Variants in IL12RB1 observed in about 807,000 individuals in gnomAD.
IL12RB1 encodes the protein interleukin-12 receptor subunit beta-1.
In IL12RB1, 64 loss-of-function variants were observed where a neutral mutation model predicts 94.4. The observed-to-expected ratio is 0.68, with a 90% CI of 0.55 to 0.83. The LOEUF (loss-of-function observed/expected upper bound fraction) is 0.83. IL12RB1 is among the 40% of genes least tolerant of loss of function. The pLI is 0.00. For synonymous variants in IL12RB1, 362 were observed against 355.5 expected (o/e 1.02, Z -0.21); for missense variants, 814 against 855.6 (o/e 0.95, Z 0.61).
At chr19:18,090,391 G>A (rs1171171721), upstream of IL12RB1, among the ~76,000 whole-genome samples, 2 of 152,130 alleles carry the variant, frequency 1.3e-5, no homozygotes, top group African/African-American at 4.8e-5. Context: ...TCAGAGGAAA[G>A]TCATGGCCCC....
intron 1 of IL12RB1, among the ~76,000 whole-genome samples, chr19:18,093,410 AT>A (rs2036733941): frequency 6.6e-6 from 1 of 151,500 alleles, no homozygotes; most frequent in Non-Finnish European, 1.5e-5. Flanking sequence ...GCATTCATTC[AT>A]TCAGTCAGTC....
chr19:18,084,444 A>G (rs1248996173), intron 1 of IL12RB1, among the ~76,000 whole-genome samples: 5 of 148,806 alleles, frequency 3.4e-5, no homozygotes, highest in Admixed American at 1.3e-4. Context: ...CCATCCACCC[A>G]TTCACCCATC....
chr19:18,094,274 G>A (rs528051065), intron 1 of IL12RB1, among the ~76,000 whole-genome samples: 77 of 152,092 alleles, frequency 5.1e-4, no homozygotes, highest in Non-Finnish European at 8.7e-4. Context: ...GATTACAGGC[G>A]TGCCCCATTA....
intron 4 of IL12RB1, among the ~76,000 whole-genome samples, chr19:18,080,231 G>A (rs1385112303): frequency 6.6e-6 from 1 of 151,146 alleles, no homozygotes. Flanking sequence ...AATTTTTTTG[G>A]CTTTTTTGTG....
At position 18,069,568 on chromosome 19, in the gene IL12RB1, T is replaced by A; in HGVS notation, c.1167A>T (p.Gln389His). ...GLATCSLTAP[Q>H]DPDPAGMATY... ...TACCCATTCCAGCCGGATCCGGGTC[T>A]TGCGGCGCAGTCAGGCTGCAGGTGG... The change falls in exon 10 of 17, where the codon CAA (glutamine) becomes CAT (histidine). Residue 389 changes from glutamine to histidine, a missense_variant. Transcript: ENST00000593993. 1 of 1,610,802 alleles carries A rather than the reference T, an allele frequency of 6.2e-7. No individual in the cohort carries two copies. Among genetic ancestry groups the A allele is most frequent in the Non-Finnish European group, 8.5e-7 (1 of 1,179,800 alleles).
At chr19:18,075,675 G>C in intron 7 of IL12RB1, 74 bp downstream of exon 7, 1 of 1,331,092 alleles carries the variant, frequency 7.5e-7, no homozygotes, top group Admixed American at 1.7e-5. Context: ...GGAACTACAG[G>C]TGTGCACCAC....
chr19:18,088,250 G>A (rs2036465280), upstream of IL12RB1, among the ~76,000 whole-genome samples: 1 of 151,986 alleles, frequency 6.6e-6, no homozygotes, highest in Non-Finnish European at 1.5e-5. Flanking sequence ...ACCGGGTGTG[G>A]TGGCAGGCAC....
chr19:18,066,093 T>TTTTG (rs985257702), intron 12 of IL12RB1, among the ~76,000 whole-genome samples: 8 of 151,734 alleles, frequency 5.3e-5, no homozygotes, highest in African/African-American at 1.7e-4. Flanking sequence ...TGTTTTTGTT[T>TTTTG]TTTGTTTGTT....
At chr19:18,061,520 G>A (rs1323434996) in intron 14 of IL12RB1, among the ~76,000 whole-genome samples, 2 of 151,914 alleles carry the variant, frequency 1.3e-5, no homozygotes, top group Admixed American at 1.3e-4. Flanking sequence ...GTGAGCCACC[G>A]TGCCCGGCTT....
chr19:18,075,302 C>G (rs62121127), intron 7 of IL12RB1, among the ~76,000 whole-genome samples: 38,121 of 148,620 alleles, frequency 0.26, 5,472 homozygotes, highest in East Asian at 0.37. Context: ...GCCCTGTCAC[C>G]CAGGCTGGAG....
At chr19:18,076,665 C>T (rs1208312946) in intron 5 of IL12RB1, among the ~76,000 whole-genome samples, 1 of 152,116 alleles carries the variant, frequency 6.6e-6, no homozygotes, top group Non-Finnish European at 1.5e-5. Context: ...CTCGGCCTCC[C>T]AAAGCACTGG....
chr19:18,083,567 A>T (rs1232267832), intron 1 of IL12RB1, 76 bp from the exon 2 acceptor site: 1 of 1,443,372 alleles, frequency 6.9e-7, no homozygotes, highest in Non-Finnish European at 9.7e-7. Context: ...CTTGGGGTCT[A>T]CACCCAAGTG....
chr19:18,065,078 G>A (rs1454466460), intron 12 of IL12RB1, among the ~76,000 whole-genome samples: 1 of 152,142 alleles, frequency 6.6e-6, no homozygotes, highest in Non-Finnish European at 1.5e-5. Context: ...AGACGTAGCT[G>A]CCCTGCCTGT....
Position 18,082,149 on chromosome 19 carries a change from C to T in IL12RB1, c.239+1G>A, listed in dbSNP as rs991990447. ...TTTGGGAATGGTAGAGGGGTCCTCA[C>T]CAACACCGCAGGAAGTGGCTGACCC... On this transcript the variant is annotated splice_donor_variant, in intron 3 of 16. Coordinates refer to ENST00000593993, the MANE Select transcript of IL12RB1 (RefSeq NM_005535.3). LOFTEE classifies it high-confidence loss of function. The T allele has an allele frequency of 3.8e-6, 6 of 1,593,096 alleles. No individual in the cohort carries two copies. The highest frequency in any genetic ancestry group is 5.2e-6 in the Non-Finnish European group (6 of 1,161,260).
Position 18,073,607 on chromosome 19 carries a change from C to A in IL12RB1, c.701-8G>T, listed in dbSNP as rs1267535029. 6.3e-7 allele frequency: 1 copy of A among 1,575,144 alleles called. No individual in the cohort carries two copies. Among genetic ancestry groups the A allele is most frequent in the Non-Finnish European group, 8.7e-7 (1 of 1,145,114 alleles). On this transcript the variant is annotated splice_region_variant and splice_polypyrimidine_tract_variant and intron_variant, in intron 7 of 16. Transcript: ENST00000593993. The stretch of plus-strand genomic sequence containing the variant: ...GAGGCTGTGGGGGGTTTTCTGCAAT[C>A]AGAACCAAACCAACTAGACGAATTG...
upstream of IL12RB1, among the ~76,000 whole-genome samples, chr19:18,089,318 G>C (rs771969180): frequency 1.3e-5 from 2 of 151,958 alleles, no homozygotes; most frequent in Non-Finnish European, 2.9e-5. Context: ...TCACTGAATC[G>C]TTTGCTTTAA....
intron 1 of IL12RB1, among the ~76,000 whole-genome samples, chr19:18,084,912 C>T (rs1160014282): frequency 6.6e-6 from 1 of 152,206 alleles, no homozygotes; most frequent in Non-Finnish European, 1.5e-5. Flanking sequence ...GCACCAGTGT[C>T]TGAAGCCAGC....
chr19:18,069,548 A>G lies in IL12RB1; in HGVS notation c.1187T>C (p.Met396Thr), dbSNP rs2034857950. The G allele has an allele frequency of 6.2e-7, 1 of 1,607,130 alleles. No individual in the cohort carries two copies. Among genetic ancestry groups the G allele is most frequent in the Non-Finnish European group, 8.5e-7 (1 of 1,179,160 alleles). The part of the protein sequence containing the change: ...TAPQDPDPAG[M>T]ATYSWSRESG... ...CGCAGGCCATTCCAGGCCATTACCC[A>G]TTCCAGCCGGATCCGGGTCTTGCGG... Residue 396 changes from methionine (M) to threonine (T), a missense_variant and splice_region_variant, in exon 10 of 17, where the codon ATG becomes ACG. Met to Thr is a moderately conservative substitution (Grantham distance 81, BLOSUM62 -1). Transcript: ENST00000593993.
At chr19:18,083,733 C>T (rs1099561) in intron 1 of IL12RB1, among the ~76,000 whole-genome samples, 25,715 of 150,504 alleles carry the variant, frequency 0.17, 2,237 homozygotes, top group Non-Finnish European at 0.2. Context: ...CCCATGAATT[C>T]ATCCATTCAC....
Sources: gnomAD v4.1 joint callset for allele counts (sites outside exome capture counted in the v4.1 genomes callset) on GRCh38, gnomAD v4.1.1 for gene constraint, MANE v1.5 for transcripts, NCBI Gene and HGNC (gene_info 2026-07-23, HGNC 2026-07-21) for gene names.